Variants in ENOPH1 observed in about 807,000 individuals in gnomAD.
The protein encoded by ENOPH1 is enolase-phosphatase 1.
A neutral mutation model predicts 31.1 loss-of-function variants in ENOPH1; 14 were observed. The ratio of observed to expected loss-of-function variants is 0.45; its 90% CI spans 0.30 to 0.70. The LOEUF (loss-of-function observed/expected upper bound fraction) is 0.70, where lower values mean the gene tolerates loss of function less well. ENOPH1 is among the 30% of genes least tolerant of loss of function. The probability of loss-of-function intolerance (pLI) is 0.09; values close to 1 mark genes in which losing one functional copy is unlikely to be tolerated. For synonymous variants in ENOPH1, 127 were observed against 123.2 expected, an observed-to-expected ratio of 1.03 and a Z score of -0.21; for missense variants, 243 against 321.5, an observed-to-expected ratio of 0.76 and a Z score of 1.87.
intron 2 of ENOPH1, 81 bp downstream of exon 2, chr4:82,448,102 T>C: frequency 4.2e-6 from 4 of 959,590 alleles, no homozygotes; most frequent in Non-Finnish European, 6.3e-6. Flanking sequence ...CTGAGCATTT[T>C]GTAAAATAAG....
At chr4:82,431,834 C>T (rs116396124) in intron 1 of ENOPH1, among the ~76,000 whole-genome samples, 3,196 of 152,108 alleles carry the variant, frequency 0.021, 55 homozygotes, top group Middle Eastern at 0.061. Context: ...AGGAAAAATC[C>T]ATCTTCCAAG....
intron 2 of ENOPH1, among the ~76,000 whole-genome samples, chr4:82,450,741 T>C (rs1170860056): frequency 6.6e-6 from 1 of 152,228 alleles, no homozygotes; most frequent in African/African-American, 2.4e-5. Context: ...GGTTTGTTGA[T>C]CCCAGTAGTG....
In ENOPH1 at chr4:82,451,310, CCT is replaced by C. The variant is rs1369142071; in HGVS notation, c.389+70_389+71del. On this transcript the variant is annotated intron_variant, in intron 3 of 5. Coordinates refer to ENST00000273920, the MANE Select transcript of ENOPH1 (RefSeq NM_021204.5). ...AATCCAAATATGTTTTTTCACCAGT[CCT>C]CTCTTTCCAGCGTAAGTCACAAGAC... is the stretch of plus-strand genomic sequence containing the variant. 5 of 1,475,484 alleles carry C rather than the reference CCT, an allele frequency of 3.4e-6. No individual in the cohort carries two copies. The African/African-American group carries it at 5.5e-5, about 16-fold the overall frequency. 91.4% of individuals were successfully genotyped at this position (1,475,484 alleles called of 1,614,324 possible).
chr4:82,433,108 C>T (rs934340159), intron 1 of ENOPH1, among the ~76,000 whole-genome samples: 8 of 152,278 alleles, frequency 5.3e-5, no homozygotes, highest in South Asian at 4.1e-4. Flanking sequence ...TTGCTTTCTG[C>T]GGTCATCAGG....
At chr4:82,440,769 A>C (rs1213656004) in intron 1 of ENOPH1, among the ~76,000 whole-genome samples, 10 of 151,986 alleles carry the variant, frequency 6.6e-5, no homozygotes, top group Non-Finnish European at 1.3e-4. Context: ...ATTATAATTT[A>C]ATCTCCTTAA....
At chr4:82,449,138 G>T (rs1722278827) in intron 2 of ENOPH1, among the ~76,000 whole-genome samples, 1 of 151,288 alleles carries the variant, frequency 6.6e-6, no homozygotes, top group Middle Eastern at 3.2e-3. Context: ...TCCTTGGGAG[G>T]CTGAGGCAGG....
intron 1 of ENOPH1, among the ~76,000 whole-genome samples, chr4:82,437,100 A>G (rs918686153): frequency 6.6e-5 from 10 of 152,252 alleles, no homozygotes; most frequent in African/African-American, 2.4e-4. Context: ...AATTATAAAA[A>G]AAGAAAGCAC....
Position 82,455,862 on chromosome 4 carries a change from C to A in ENOPH1, c.522+1008C>A, listed in dbSNP as rs572881137. Among the ~76,000 whole-genome samples the A allele has an allele frequency of 2.6e-5, 4 of 152,132 alleles. No homozygotes were observed. In the East Asian group the frequency reaches 7.7e-4, roughly 29 times the overall value. ...GACCGAACTTATAATAGGTTACTTA[C>A]AATAGGTAACTTGGCCAGACAAGTT... On this transcript the variant is annotated intron_variant, in intron 4 of 5. Coordinates refer to ENST00000273920, the MANE Select transcript of ENOPH1 (RefSeq NM_021204.5).
intron 4 of ENOPH1, among the ~76,000 whole-genome samples, chr4:82,456,213 T>C (rs1012294481): frequency 2.9e-5 from 3 of 103,824 alleles, no homozygotes; most frequent in Non-Finnish European, 5.3e-5. Flanking sequence ...AACTTAAAAT[T>C]ACTTTTTTTT....
intron 1 of ENOPH1, among the ~76,000 whole-genome samples, chr4:82,433,163 C>T (rs1721820728): frequency 6.6e-6 from 1 of 152,142 alleles, no homozygotes; most frequent in Admixed American, 6.5e-5. Flanking sequence ...GGCATTAGAT[C>T]ATTAGATACT....
chr4:82,448,575 G>A (rs1428573069), intron 2 of ENOPH1, among the ~76,000 whole-genome samples: 2 of 151,094 alleles, frequency 1.3e-5, no homozygotes, highest in African/African-American at 4.9e-5. Flanking sequence ...CCCAAAAAGG[G>A]CTTAAGTTTG....
chr4:82,454,783 A>C lies in ENOPH1; in HGVS notation c.451A>C (p.Ile151Leu). The C allele has an allele frequency of 6.2e-7, 1 of 1,613,852 alleles. No homozygotes were observed. The highest frequency in any genetic ancestry group is 1.6e-4 in the Middle Eastern group (1 of 6,062). The stretch of plus-strand genomic sequence containing the variant: ...GAGAGAGGCCGGAATGAAGGTGTAC[A>C]TCTATTCCTCAGGGAGTGTGGAGGC... ...KWREAGMKVYIYSSGSVEAQK... is the reference protein window; with the variant it reads ...KWREAGMKVYLYSSGSVEAQK... The change falls in exon 4 of 6, where the codon ATC (isoleucine) becomes CTC (leucine). Residue 151 changes from isoleucine (I) to leucine (L), a missense_variant. By Grantham distance (5) the Ile-to-Leu change is conservative (BLOSUM62 2). Coordinates refer to ENST00000273920, the MANE Select transcript of ENOPH1 (RefSeq NM_021204.5).
Position 82,430,835 on chromosome 4 carries a change from C to T in ENOPH1, c.6C>T (p.Val2=). 1 of 1,614,048 alleles carries T rather than the reference C, an allele frequency of 6.2e-7. No individual in the cohort carries two copies. The highest frequency in any genetic ancestry group is 8.5e-7 in the Non-Finnish European group (1 of 1,179,926). The change falls in exon 1 of 6, where the codon GTC becomes GTT. Residue 2 remains valine, a synonymous_variant. Transcript: ENST00000273920. Reference sequence around the variant, plus strand: ...CCGTAGCATCCGGTAGGGAAATGGTCGTGCTTTCGGTCCCCGCCGAAGTCA... The same window carrying T: ...CCGTAGCATCCGGTAGGGAAATGGTTGTGCTTTCGGTCCCCGCCGAAGTCA... M[V]VLSVPAEVTV...
At chr4:82,438,864 A>C (rs1210304565) in intron 1 of ENOPH1, among the ~76,000 whole-genome samples, 1 of 152,184 alleles carries the variant, frequency 6.6e-6, no homozygotes, top group Non-Finnish European at 1.5e-5. Context: ...TTACCACTCC[A>C]CTAAAGAAAA....
At chr4:82,447,336 A>T (rs543066710) in intron 1 of ENOPH1, among the ~76,000 whole-genome samples, 1 of 152,320 alleles carries the variant, frequency 6.6e-6, no homozygotes, top group East Asian at 1.9e-4. Context: ...TTACCAAGAA[A>T]GAGTCATGGT....
At chr4:82,442,050 A>G (rs1722054957) in intron 1 of ENOPH1, among the ~76,000 whole-genome samples, 1 of 152,234 alleles carries the variant, frequency 6.6e-6, no homozygotes, top group African/African-American at 2.4e-5. Flanking sequence ...ATAAAGCTCT[A>G]TTCTCTTGAA....
intron 1 of ENOPH1, among the ~76,000 whole-genome samples, chr4:82,444,492 G>T (rs964378571): frequency 6.6e-6 from 1 of 152,194 alleles, no homozygotes; most frequent in Non-Finnish European, 1.5e-5. Flanking sequence ...CAAAGGAGAT[G>T]AATAAATACG....
intron 2 of ENOPH1, among the ~76,000 whole-genome samples, chr4:82,450,744 C>T (rs1722326303): frequency 6.6e-6 from 1 of 152,142 alleles, no homozygotes; most frequent in African/African-American, 2.4e-5. Context: ...TTGTTGATCC[C>T]AGTAGTGAAT....
At chr4:82,456,353 A>T (rs544021620) in intron 4 of ENOPH1, among the ~76,000 whole-genome samples, 25 of 152,210 alleles carry the variant, frequency 1.6e-4, no homozygotes, top group Admixed American at 1.5e-3. Flanking sequence ...GACTTATTTT[A>T]ATTACTGTTG....
Sources: gnomAD v4.1 joint callset for allele counts (sites outside exome capture counted in the v4.1 genomes callset) on GRCh38, gnomAD v4.1.1 for gene constraint, MANE v1.5 for transcripts, NCBI Gene and HGNC (gene_info 2026-07-23, HGNC 2026-07-21) for gene names.